The following VPS13B variants were observed in gnomAD, a reference collection of about 807,000 sequenced individuals.
VPS13B encodes the protein intermembrane lipid transfer protein VPS13B.
VPS13B carries 285 observed loss-of-function variants against 426.4 expected under a neutral mutation model. That is an observed-to-expected ratio of 0.67 (90% CI 0.61 to 0.74). The LOEUF is 0.74. Ranked by LOEUF, VPS13B falls within the 30% of genes least tolerant of loss-of-function variation. VPS13B has a pLI of 0.00. For synonymous variants in VPS13B, 1,676 were observed against 1,676.4 expected, an observed-to-expected ratio of 1.00 and a Z score of 0.01; for missense variants, 4,537 against 4,782.6, an observed-to-expected ratio of 0.95 and a Z score of 1.51.
chr8:99,777,118 T>C (rs917495254), intron 41 of VPS13B, among the ~76,000 whole-genome samples, 162 bp downstream of exon 41: 1 of 152,196 alleles, frequency 6.6e-6, no homozygotes, highest in African/African-American at 2.4e-5. Context: ...AAAACAGGCA[T>C]AACCTTTACT....
At chr8:99,039,733 A>AT (rs1408771139) in intron 3 of VPS13B, among the ~76,000 whole-genome samples, 4 of 152,094 alleles carry the variant, frequency 2.6e-5, no homozygotes, top group African/African-American at 9.7e-5. Context: ...ATTATTTCCT[A>AT]TTTTAAGTGG....
intron 39 of VPS13B, among the ~76,000 whole-genome samples, chr8:99,752,758 C>G (rs1323813794): frequency 6.6e-6 from 1 of 152,134 alleles, no homozygotes; most frequent in Non-Finnish European, 1.5e-5. Flanking sequence ...TTATTAAGAA[C>G]CTATTATCTA....
In VPS13B at chr8:99,353,374, T is replaced by C. The variant is rs546959729; in HGVS notation, c.2825-30834T>C. ...TGTAGTGACTGTATTCTGAGGAAAA[T>C]TGCATGACTGAAACTTATGTGGTGA... On this transcript the variant is annotated intron_variant, in intron 19 of 61. Coordinates refer to ENST00000357162, the MANE Select transcript of VPS13B (RefSeq NM_152564.5). Among the ~76,000 whole-genome samples the C allele has an allele frequency of 4.6e-5, 7 of 152,154 alleles. No individual in the cohort carries two copies. In the East Asian group the frequency reaches 1.4e-3, roughly 29 times the overall value.
intron 31 of VPS13B, among the ~76,000 whole-genome samples, chr8:99,566,367 G>A (rs77027597): frequency 0.059 from 9,041 of 151,954 alleles, 361 homozygotes; most frequent in African/African-American, 0.11. Context: ...TGGATGGATA[G>A]ATAATGCCTT....
chr8:99,409,675 T>C (rs776513416), intron 21 of VPS13B, among the ~76,000 whole-genome samples: 3 of 152,118 alleles, frequency 2.0e-5, no homozygotes, highest in Non-Finnish European at 2.9e-5. Context: ...CGCTCTCCAC[T>C]TACAGGAAAA....
rs1405848765 is a variant in VPS13B at position 99,875,721 on chromosome 8, G to GAGAC, written c.*58_*61dup. The stretch of plus-strand genomic sequence containing the variant: ...TGTGATTTAGTTTTTGGGTTTCTTT[G>GAGAC]AGACAGGGTCTCACTGCATTGCCCT... On this transcript the variant is annotated 3_prime_UTR_variant, in exon 62 of 62. Transcript: ENST00000357162. 30 of 1,611,792 alleles carry GAGAC rather than the reference G, an allele frequency of 1.9e-5. No individual in the cohort carries two copies. In the Admixed American group the frequency reaches 3.8e-4, roughly 21 times the overall value.
chr8:99,457,091 G>C (rs897259262), intron 23 of VPS13B, among the ~76,000 whole-genome samples: 2 of 150,754 alleles, frequency 1.3e-5, no homozygotes, highest in Admixed American at 1.3e-4. Flanking sequence ...GAGTGCAGTG[G>C]TGTGATTTCA....
chr8:99,560,125 C>T (rs1329289574), intron 31 of VPS13B, among the ~76,000 whole-genome samples: 1 of 152,136 alleles, frequency 6.6e-6, no homozygotes, highest in Admixed American at 6.5e-5. Flanking sequence ...TCCTTCCCAT[C>T]CCTTGTAAGT....
At chr8:99,793,284 T>TATATATATATATATATATATATAA (rs1282918685) in intron 43 of VPS13B, among the ~76,000 whole-genome samples, 1 of 142,538 alleles carries the variant, frequency 7.0e-6, no homozygotes, top group African/African-American at 2.6e-5. Flanking sequence ...TATATATATA[T>TATATATATATATATATATATATAA]AAAATACATG....
At chr8:99,380,948 G>C (rs1813765726) in intron 19 of VPS13B, among the ~76,000 whole-genome samples, 1 of 150,368 alleles carries the variant, frequency 6.7e-6, no homozygotes, top group Non-Finnish European at 1.5e-5. Context: ...TATAATATAG[G>C]TAAGCTTGTG....
chr8:99,019,899 G>A (rs902986962), intron 2 of VPS13B, among the ~76,000 whole-genome samples: 3 of 152,092 alleles, frequency 2.0e-5, no homozygotes, highest in Non-Finnish European at 4.4e-5. Context: ...ATGGATAGTT[G>A]GGTTGCTTTC....
intron 36 of VPS13B, among the ~76,000 whole-genome samples, chr8:99,703,316 A>G (rs1051221192): frequency 6.6e-6 from 1 of 151,326 alleles, no homozygotes; most frequent in African/African-American, 2.4e-5. Context: ...ATAGGATTTG[A>G]TTTTTTTTTA....
intron 16 of VPS13B, among the ~76,000 whole-genome samples, chr8:99,178,160 T>A (rs1468152780): frequency 7.1e-6 from 1 of 140,100 alleles, no homozygotes; most frequent in Non-Finnish European, 1.6e-5. Flanking sequence ...TTTTATTTTA[T>A]TTTTTTTTTA....
intron 8 of VPS13B, among the ~76,000 whole-genome samples, chr8:99,128,878 G>A (rs117961274): frequency 2.0e-5 from 3 of 151,926 alleles, no homozygotes; most frequent in South Asian, 4.2e-4. Context: ...AGTGGCTCAC[G>A]CCTGTAATCC....
At chr8:99,875,047 A>ATGAT in intron 61 of VPS13B, 1 of 321,728 alleles carries the variant, frequency 3.1e-6, no homozygotes, top group South Asian at 2.9e-5. Flanking sequence ...TGTTGAATAG[A>ATGAT]TGATTTATGT....
Position 99,854,201 on chromosome 8 carries a change from G to A in VPS13B, c.10812G>A (p.Arg3604=). The A allele has an allele frequency of 6.2e-7, 1 of 1,614,008 alleles. No individual in the cohort carries two copies. Among genetic ancestry groups the A allele is most frequent in the Non-Finnish European group, 8.5e-7 (1 of 1,180,022 alleles). The change falls in exon 56 of 62, where the codon AGG becomes AGA. Residue 3604 remains arginine (R), a synonymous_variant. Coordinates refer to ENST00000357162, the MANE Select transcript of VPS13B (RefSeq NM_152564.5). ...GAGGACCCATCTTCACCACTGCGAG[G>A]CAGCTTGTGCACGCCCTGGCAATGC... ...FERGPIFTTA[R]QLVHALAMHY...
At chr8:99,379,584 T>G (rs1813681942) in intron 19 of VPS13B, among the ~76,000 whole-genome samples, 1 of 152,166 alleles carries the variant, frequency 6.6e-6, no homozygotes, top group South Asian at 2.1e-4. Flanking sequence ...CACATGTTCT[T>G]ATTTGCTCAT....
At chr8:99,327,974 A>G (rs867446289) in intron 19 of VPS13B, among the ~76,000 whole-genome samples, 66 of 152,352 alleles carry the variant, frequency 4.3e-4, no homozygotes, top group Admixed American at 5.2e-4. Context: ...TAGGAGATAT[A>G]CTTTTAAAGT....
chr8:99,666,076 A>G (rs1163719734), intron 35 of VPS13B, among the ~76,000 whole-genome samples: 1 of 152,138 alleles, frequency 6.6e-6, no homozygotes, highest in Non-Finnish European at 1.5e-5. Flanking sequence ...TTCTCTTTGA[A>G]GCAATTGTGA....
Sources: allele counts gnomAD v4.1 joint callset (sites outside exome capture counted in the v4.1 genomes callset), GRCh38; gene constraint gnomAD v4.1.1; transcripts MANE v1.5; gene names NCBI Gene and HGNC (gene_info 2026-07-23, HGNC 2026-07-21).